Variants in LIN52 observed in about 807,000 individuals in gnomAD.
LIN52 encodes the protein protein lin-52 homolog.
A neutral mutation model predicts 18.5 loss-of-function variants in LIN52; 4 were observed. That is an observed-to-expected ratio of 0.22 (90% confidence interval 0.11 to 0.49). The LOEUF (loss-of-function observed/expected upper bound fraction) is 0.49. Ranked by LOEUF, LIN52 falls within the 20% of genes least tolerant of loss-of-function variation. LIN52 has a pLI of 0.97. For synonymous variants in LIN52, 34 were observed against 45.5 expected (o/e 0.75, Z 1.02); for missense variants, 102 against 139.5 (o/e 0.73, Z 1.35).
At chr14:74,168,303 G>T (rs1217961651) in intron 5 of LIN52, among the ~76,000 whole-genome samples, 1 of 152,142 alleles carries the variant, frequency 6.6e-6, no homozygotes, top group Non-Finnish European at 1.5e-5. Context: ...TGTTATAACA[G>T]TTATTACTTA....
intron 2 of LIN52, among the ~76,000 whole-genome samples, chr14:74,092,430 G>A (rs1595144631): frequency 1.4e-5 from 2 of 147,958 alleles, no homozygotes; most frequent in African/African-American, 5.0e-5. Context: ...CTCGGCTCCC[G>A]AGTAGCTGGG....
chr14:74,158,713 G>A (rs959074992), intron 5 of LIN52, among the ~76,000 whole-genome samples: 2 of 151,166 alleles, frequency 1.3e-5, no homozygotes, highest in African/African-American at 4.9e-5. Context: ...CCCGACCTCA[G>A]GTGATCCGCC....
At chr14:74,162,048 G>A (rs1319635288) in intron 5 of LIN52, among the ~76,000 whole-genome samples, 1 of 152,172 alleles carries the variant, frequency 6.6e-6, no homozygotes, top group Non-Finnish European at 1.5e-5. Context: ...AACTGGCACA[G>A]TGAGTAAAAT....
chr14:74,148,384 C>T (rs1054954007), intron 5 of LIN52, among the ~76,000 whole-genome samples: 1 of 152,080 alleles, frequency 6.6e-6, no homozygotes, highest in Non-Finnish European at 1.5e-5. Context: ...TACATAAGCT[C>T]CTCTCATGGC....
At chr14:74,189,031 T>G (rs1384599541) in intron 5 of LIN52, among the ~76,000 whole-genome samples, 3 of 152,156 alleles carry the variant, frequency 2.0e-5, no homozygotes, top group African/African-American at 7.2e-5. Flanking sequence ...TGCAGGTCAT[T>G]TGAAATTATC....
intron 2 of LIN52, among the ~76,000 whole-genome samples, chr14:74,091,606 T>TAA (rs1393236659): frequency 6.8e-6 from 1 of 146,340 alleles, no homozygotes; most frequent in East Asian, 2.0e-4. Context: ...CTGTCTCTAC[T>TAA]AAAAAAAAAA....
At chr14:74,179,046 TC>T (rs1156852573) in intron 5 of LIN52, among the ~76,000 whole-genome samples, 2 of 151,868 alleles carry the variant, frequency 1.3e-5, no homozygotes, top group African/African-American at 4.8e-5. Flanking sequence ...GCCACTACAC[TC>T]CAGCCTGGGC....
In LIN52 at chr14:74,092,408, C is replaced by T. The variant is rs867435300; in HGVS notation, c.94+1102C>T. 1.5e-4 allele frequency among the ~76,000 whole-genome samples: 22 copies of T among 150,658 alleles called. 1 individual carries two copies. Among genetic ancestry groups the T allele is most frequent in the South Asian group, 4.2e-4 (2 of 4,764 alleles). On this transcript the variant is annotated intron_variant, in intron 2 of 5. Transcript: ENST00000555028. ...GCAACCTCTGCCTCCCAGGTTCAAG[C>T]GATTCTCCTGCCTCGGCTCCCGAGT...
intron 5 of LIN52, among the ~76,000 whole-genome samples, chr14:74,180,612 A>G (rs1247552699): frequency 6.6e-6 from 1 of 152,056 alleles, no homozygotes; most frequent in Non-Finnish European, 1.5e-5. Context: ...GTGTCTCATT[A>G]TTTGCAATTG....
intron 5 of LIN52, among the ~76,000 whole-genome samples, chr14:74,128,897 G>A (rs1208364883): frequency 1.3e-5 from 2 of 152,086 alleles, no homozygotes; most frequent in African/African-American, 4.8e-5. Flanking sequence ...AGCCAAGATC[G>A]CACCACTGCA....
At chr14:74,110,656 C>T (rs2060920666) in intron 5 of LIN52, among the ~76,000 whole-genome samples, 2 of 149,670 alleles carry the variant, frequency 1.3e-5, no homozygotes, top group African/African-American at 4.9e-5. Flanking sequence ...GGTGACAGAG[C>T]GAGACTCCAT....
intron 5 of LIN52, among the ~76,000 whole-genome samples, chr14:74,126,984 C>T (rs1037872259): frequency 6.6e-6 from 1 of 152,174 alleles, no homozygotes; most frequent in Admixed American, 6.5e-5. Context: ...AATTTAGCTT[C>T]GTGACCTTGG....
intron 5 of LIN52, among the ~76,000 whole-genome samples, chr14:74,158,015 A>T (rs927624955): frequency 6.6e-6 from 1 of 151,938 alleles, no homozygotes; most frequent in African/African-American, 2.4e-5. Flanking sequence ...CCCTTATGAC[A>T]TTCACTTTAT....
intron 5 of LIN52, among the ~76,000 whole-genome samples, chr14:74,124,269 A>G (rs1338367865): frequency 1.3e-5 from 2 of 152,190 alleles, no homozygotes; most frequent in Non-Finnish European, 2.9e-5. Flanking sequence ...TAGTACATCT[A>G]CAGAATGATG....
intron 5 of LIN52, among the ~76,000 whole-genome samples, chr14:74,140,436 G>A (rs1020742130): frequency 1.3e-4 from 20 of 152,246 alleles, no homozygotes; most frequent in South Asian, 8.3e-4. Flanking sequence ...ATTAACTCTC[G>A]AGCATTAGAA....
intron 4 of LIN52, among the ~76,000 whole-genome samples, chr14:74,099,134 G>A (rs2060836520): frequency 6.6e-6 from 1 of 151,696 alleles, no homozygotes; most frequent in Admixed American, 6.6e-5. Flanking sequence ...CATCCTTCTG[G>A]TGATAAGATT....
chr14:74,194,776 A>G (rs1344699758), intron 5 of LIN52, among the ~76,000 whole-genome samples: 3 of 152,194 alleles, frequency 2.0e-5, no homozygotes, highest in African/African-American at 4.8e-5. Context: ...CCCTCTTGGC[A>G]TAGTTATTAG....
intron 5 of LIN52, among the ~76,000 whole-genome samples, chr14:74,180,655 C>G (rs2061314538): frequency 6.6e-6 from 1 of 152,110 alleles, no homozygotes; most frequent in South Asian, 2.1e-4. Context: ...AGTAAAATGT[C>G]TACTAACTGA....
chr14:74,101,132 T>C (rs780344218), intron 4 of LIN52, 23 bp from the exon 5 acceptor site: 1 of 1,594,854 alleles, frequency 6.3e-7, no homozygotes, highest in Admixed American at 1.7e-5. Flanking sequence ...GAAATGATGT[T>C]GAAATAAATG....
Sources: gnomAD v4.1 joint callset for allele counts (sites outside exome capture counted in the v4.1 genomes callset) on GRCh38, gnomAD v4.1.1 for gene constraint, MANE v1.5 for transcripts, NCBI Gene and HGNC (gene_info 2026-07-23, HGNC 2026-07-21) for gene names.